Variants in CUL5 observed in about 807,000 individuals in gnomAD.
The protein encoded by CUL5 is cullin-5.
A neutral mutation model predicts 108.8 loss-of-function variants in CUL5; 26 were observed. The observed-to-expected ratio is 0.24, with a 90% CI of 0.18 to 0.33. The LOEUF is 0.33. Among genes scored for constraint, CUL5 ranks in the 10% least tolerant of loss-of-function variants. CUL5 has a pLI of 1.00. For missense variants in CUL5, 524 were observed against 909.2 expected (o/e 0.58, Z 5.45); for synonymous variants, 334 against 298.0 (o/e 1.12, Z -1.25).
chr11:108,039,006 C>T (rs1313384841), intron 2 of CUL5, among the ~76,000 whole-genome samples: 1 of 151,508 alleles, frequency 6.6e-6, no homozygotes, highest in Non-Finnish European at 1.5e-5. Flanking sequence ...TCACTTCTGT[C>T]CTTCACTCTT....
intron 1 of CUL5, among the ~76,000 whole-genome samples, chr11:108,021,808 G>A (rs990066261): frequency 1.1e-4 from 17 of 147,958 alleles, no homozygotes; most frequent in African/African-American, 3.4e-4. Context: ...GAGCCACACC[G>A]CCCAGTTTAT....
chr11:108,098,661 A>G (rs1289872302), intron 18 of CUL5, 132 bp downstream of exon 18: 4 of 532,918 alleles, frequency 7.5e-6, no homozygotes, highest in Non-Finnish European at 1.2e-5. Flanking sequence ...CATAATCCCA[A>G]CACTTTGGGA....
intron 10 of CUL5, 115 bp downstream of exon 10, chr11:108,073,612 CTG>C (rs1012390863): frequency 1.9e-5 from 9 of 463,102 alleles, no homozygotes; most frequent in African/African-American, 4.0e-5. Context: ...AACCTAGCAA[CTG>C]TTATTTTTCA....
At chr11:108,095,788 C>T in intron 16 of CUL5, 97 bp downstream of exon 16, 1 of 1,143,238 alleles carries the variant, frequency 8.7e-7, no homozygotes, top group Non-Finnish European at 1.3e-6. Flanking sequence ...ATAACAGTTT[C>T]AGAATGTCTT....
In CUL5 at chr11:108,009,275, C is replaced by T. The variant is rs1356433241; in HGVS notation, c.-74C>T. On this transcript the variant is annotated 5_prime_UTR_variant, in exon 1 of 19. Transcript: ENST00000393094. The stretch of plus-strand genomic sequence containing the variant: ...GGGCCCTGGGCCCTGGTGGGAGCTC[C>T]GGCCTCCGGTCAAGGCCTGGCCGGG... 10 of 1,565,018 alleles carry T rather than the reference C, an allele frequency of 6.4e-6. No individual in the cohort carries two copies. The highest frequency in any genetic ancestry group is 4.1e-5 in the African/African-American group (3 of 73,958).
chr11:108,013,721 C>A (rs892492033), intron 1 of CUL5, among the ~76,000 whole-genome samples: 15 of 151,830 alleles, frequency 9.9e-5, no homozygotes, highest in Admixed American at 8.5e-4. Flanking sequence ...TCTCAGTGGA[C>A]TTTTTTTTAT....
chr11:108,020,533 T>G (rs1862302569), intron 1 of CUL5, among the ~76,000 whole-genome samples: 1 of 98,266 alleles, frequency 1.0e-5, no homozygotes, highest in South Asian at 4.4e-4. Flanking sequence ...AATGTGTTTG[T>G]GATTTTTTTT....
intron 2 of CUL5, among the ~76,000 whole-genome samples, chr11:108,041,644 G>A (rs920616210): frequency 2.8e-4 from 42 of 151,872 alleles, no homozygotes; most frequent in Non-Finnish European, 5.4e-4. Flanking sequence ...AGGCTGGAGT[G>A]CAGTAGCGTG....
chr11:108,039,212 G>T (rs539322211), intron 2 of CUL5, among the ~76,000 whole-genome samples: 2 of 152,108 alleles, frequency 1.3e-5, no homozygotes, highest in East Asian at 3.9e-4. Context: ...TAGAGATGGG[G>T]TTTCTTCATG....
At chr11:108,044,740 C>CT (rs529529275) in intron 2 of CUL5, among the ~76,000 whole-genome samples, 3,540 of 146,652 alleles carry the variant, frequency 0.024, 149 homozygotes, top group African/African-American at 0.08. Context: ...AATTTTTTTA[C>CT]TTTTTTTTTT....
rs150698766 is a variant in CUL5, at chr11:108,074,884, C to T, written c.1113+1387C>T. On this transcript the variant is annotated intron_variant, in intron 10 of 18. Coordinates refer to ENST00000393094, the MANE Select transcript of CUL5 (RefSeq NM_003478.6). Reference sequence around the variant, plus strand: ...GTTAAGGGAGTATAGACATGGTGGGCGTGGTGTGAAGTCTTAAATTGAGTA... The same window carrying T: ...GTTAAGGGAGTATAGACATGGTGGGTGTGGTGTGAAGTCTTAAATTGAGTA... Among the ~76,000 whole-genome samples, 271 of 152,076 alleles carry T rather than the reference C, an allele frequency of 1.8e-3. 1 individual carries two copies. The highest frequency in any genetic ancestry group is 0.014 in the Middle Eastern group (4 of 294).
At chr11:108,094,694 G>C (rs1591333032) in intron 14 of CUL5, 118 bp from the exon 15 acceptor site, 1 of 901,376 alleles carries the variant, frequency 1.1e-6, no homozygotes, top group East Asian at 2.8e-5. Context: ...AAAACAAAAG[G>C]ACACTTTTAA....
At chr11:108,087,967 A>T (rs1372411286) in intron 11 of CUL5, among the ~76,000 whole-genome samples, 1 of 152,150 alleles carries the variant, frequency 6.6e-6, no homozygotes, top group Non-Finnish European at 1.5e-5. Flanking sequence ...CTCCATCTCA[A>T]AAAAACTAAA....
At chr11:108,037,628 A>G (rs887203251) in intron 2 of CUL5, among the ~76,000 whole-genome samples, 1 of 152,220 alleles carries the variant, frequency 6.6e-6, no homozygotes, top group Non-Finnish European at 1.5e-5. Context: ...GACAGTGACA[A>G]CACATATAAA....
chr11:108,084,098 C>A (rs146077463), intron 11 of CUL5, among the ~76,000 whole-genome samples: 1 of 152,312 alleles, frequency 6.6e-6, no homozygotes, highest in African/African-American at 2.4e-5. Flanking sequence ...TTGGACACCC[C>A]TGCTTTAGAA....
At chr11:108,065,201 A>G (rs1863643541) in intron 7 of CUL5, among the ~76,000 whole-genome samples, 1 of 151,608 alleles carries the variant, frequency 6.6e-6, no homozygotes, top group Admixed American at 6.6e-5. Context: ...AATTTTTTGT[A>G]TTTTTAGTAG....
intron 18 of CUL5, among the ~76,000 whole-genome samples, chr11:108,102,579 C>T (rs1473255280): frequency 6.6e-6 from 1 of 152,056 alleles, no homozygotes; most frequent in East Asian, 1.9e-4. Context: ...GATCCACCCA[C>T]CTCAACCTCC....
intron 1 of CUL5, among the ~76,000 whole-genome samples, chr11:108,026,054 CTCTT>C (rs1324683814): frequency 1.3e-5 from 2 of 152,186 alleles, no homozygotes; most frequent in Non-Finnish European, 2.9e-5. Flanking sequence ...AAGCAGAAGT[CTCTT>C]TCTCTTTTCA....
chr11:108,104,408 T>C lies in CUL5; in HGVS notation c.*24T>C. Reference sequence around the variant, plus strand: ...AATTTTGAATATCATGGACAATATTTAGAACCCAAATTTTGGAGTGCTTGG... The same window carrying C: ...AATTTTGAATATCATGGACAATATTCAGAACCCAAATTTTGGAGTGCTTGG... On this transcript the variant is annotated 3_prime_UTR_variant, in exon 19 of 19. Coordinates refer to ENST00000393094, the MANE Select transcript of CUL5 (RefSeq NM_003478.6). 1 of 1,440,292 alleles carries C rather than the reference T, an allele frequency of 6.9e-7. No individual in the cohort carries two copies. Among genetic ancestry groups the C allele is most frequent in the Non-Finnish European group, 9.2e-7 (1 of 1,086,224 alleles). The allele number at this position is 1,440,292 out of a possible 1,614,324, so 89.2% of individuals were successfully genotyped here.
Sources: allele counts gnomAD v4.1 joint callset (sites outside exome capture counted in the v4.1 genomes callset), GRCh38; gene constraint gnomAD v4.1.1; transcripts MANE v1.5; gene names NCBI Gene and HGNC (gene_info 2026-07-23, HGNC 2026-07-21).